NAV2: variants seen among roughly 807,000 people sequenced by gnomAD.
NAV2 encodes the protein neuron navigator 2.
Under a neutral mutation model 223.2 loss-of-function variants are expected in NAV2, and 54 were observed. The observed-to-expected ratio is 0.24, with a 90% confidence interval of 0.19 to 0.30. The LOEUF is 0.30. NAV2 is among the 10% of genes least tolerant of loss of function. The pLI is 1.00. For missense variants in NAV2, 2,806 were observed against 3,147.5 expected (o/e 0.89, Z 2.60); for synonymous variants, 1,279 against 1,239.3 (o/e 1.03, Z -0.67).
intron 6 of NAV2, among the ~76,000 whole-genome samples, chr11:19,930,248 A>G (rs1437129237): frequency 6.6e-6 from 1 of 152,194 alleles, no homozygotes; most frequent in Non-Finnish European, 1.5e-5. Context: ...CAAGCCAAGT[A>G]TCTGTTTTCT....
intron 1 of NAV2, among the ~76,000 whole-genome samples, chr11:19,808,159 G>T (rs2058673206): frequency 6.6e-6 from 1 of 152,200 alleles, no homozygotes; most frequent in African/African-American, 2.4e-5. Context: ...TTAGTGTGTG[G>T]CACATAGGAA....
At chr11:19,356,574 G>A (rs1484017114) in intron 1 of NAV2, among the ~76,000 whole-genome samples, 1 of 152,144 alleles carries the variant, frequency 6.6e-6, no homozygotes, top group African/African-American at 2.4e-5. Flanking sequence ...TTCTCTGGAG[G>A]AGGGGGAACG....
At chr11:19,889,193 C>G (rs1311430986) in intron 5 of NAV2, among the ~76,000 whole-genome samples, 1 of 152,202 alleles carries the variant, frequency 6.6e-6, no homozygotes, top group African/African-American at 2.4e-5. Context: ...TTGGTTCCCT[C>G]CTGGGTGAGT....
rs562590900 is a variant in NAV2 at position 19,760,098 on chromosome 11, T to G, written c.267+46136T>G. 5 of 152,712 alleles carry G rather than the reference T, an allele frequency of 3.3e-5. No homozygotes were observed. In the East Asian group the frequency reaches 9.7e-4, roughly 29 times the overall value. The allele number at this position is 152,712 out of a possible 1,614,324, so 9.5% of individuals were successfully genotyped here. A position where few individuals can be genotyped will look rare whatever the true frequency, so the allele number is the denominator to read the frequency against. Reference sequence around the variant, plus strand: ...CTATGTATTTGAAAAAGAAAAATACTCCCAGTTAAGTGAGAGTTCCAGCAG... The same window carrying G: ...CTATGTATTTGAAAAAGAAAAATACGCCCAGTTAAGTGAGAGTTCCAGCAG... On this transcript the variant is annotated intron_variant, in intron 1 of 37. Transcript: ENST00000349880.
chr11:19,902,894 G>A (rs1322782719), intron 6 of NAV2, among the ~76,000 whole-genome samples: 1 of 152,188 alleles, frequency 6.6e-6, no homozygotes, highest in Non-Finnish European at 1.5e-5. Flanking sequence ...ACATTTCTGT[G>A]AGCATATGTA....
intron 1 of NAV2, among the ~76,000 whole-genome samples, chr11:19,377,752 G>A (rs1350349303): frequency 2.6e-5 from 4 of 152,188 alleles, no homozygotes; most frequent in Admixed American, 1.3e-4. Context: ...GTTAGAATAT[G>A]TATTGGGAAG....
chr11:19,390,855 G>A (rs914673554), intron 1 of NAV2, among the ~76,000 whole-genome samples: 1 of 152,134 alleles, frequency 6.6e-6, no homozygotes, highest in Non-Finnish European at 1.5e-5. Flanking sequence ...GTTAGGAAAG[G>A]CTGCCATTTA....
chr11:19,578,798 A>G (rs181912870), intron 1 of NAV2, among the ~76,000 whole-genome samples: 9 of 152,216 alleles, frequency 5.9e-5, no homozygotes, highest in Admixed American at 4.6e-4. Flanking sequence ...AGCAGTTGTC[A>G]TGCAGAGCGG....
At chr11:19,645,242 C>A (rs967982386) in intron 1 of NAV2, among the ~76,000 whole-genome samples, 1 of 152,148 alleles carries the variant, frequency 6.6e-6, no homozygotes, top group Non-Finnish European at 1.5e-5. Context: ...TCGAGGCCAG[C>A]AAAGGCCAGT....
chr11:20,015,354 G>A (rs748516059), intron 11 of NAV2, among the ~76,000 whole-genome samples: 4 of 152,106 alleles, frequency 2.6e-5, no homozygotes, highest in Non-Finnish European at 5.9e-5. Context: ...GTTTTATGGG[G>A]TAATCTAGGT....
chr11:20,118,079 G>T, intron 37 of NAV2, 54 bp from the exon 38 acceptor site: 11 of 1,605,966 alleles, frequency 6.8e-6, no homozygotes, highest in Non-Finnish European at 9.3e-6. Context: ...AGGAGTCCAG[G>T]GTGGGCGGCC....
chr11:19,959,800 C>T (rs962354338), intron 10 of NAV2, among the ~76,000 whole-genome samples: 2 of 152,242 alleles, frequency 1.3e-5, no homozygotes, highest in Non-Finnish European at 1.5e-5. Flanking sequence ...ACCCTCCAGC[C>T]GACAGCTACC....
chr11:19,573,931 G>A (rs896541794), intron 1 of NAV2, among the ~76,000 whole-genome samples: 1 of 152,212 alleles, frequency 6.6e-6, no homozygotes, highest in Non-Finnish European at 1.5e-5. Context: ...GGCCTGCTGA[G>A]CAGCTGGTGG....
intron 11 of NAV2, among the ~76,000 whole-genome samples, chr11:20,022,230 T>C (rs1020198561): frequency 1.3e-5 from 2 of 152,252 alleles, no homozygotes; most frequent in Admixed American, 1.3e-4. Context: ...TTGTTCATTG[T>C]TCATAGCATC....
intron 1 of NAV2, among the ~76,000 whole-genome samples, chr11:19,744,432 A>G (rs1425229): frequency 0.42 from 64,505 of 152,100 alleles, 14,776 homozygotes; most frequent in East Asian, 0.61. Context: ...TGTGGGGCCC[A>G]TTTAGAGAGA....
Position 20,055,801 on chromosome 11 carries a change from T to C in NAV2, c.4675T>C (p.Ser1559Pro), listed in dbSNP as rs1238110866. ...SPTTVTQMSL[S>P]NPTMLRTHSL... ...CACCACTGTCACCCAGATGAGCTTG[T>C]CCAACCCGACCATGCTGAGGACTCA... Residue 1559 changes from serine (S) to proline (P), a missense_variant, in exon 19 of 38, where the codon TCC becomes CCC. By Grantham distance (74) the Ser-to-Pro change is moderately conservative. This residue lies in a region of NAV2 where 742 missense variants were observed against 777.9 expected (regional missense o/e 0.95). Transcript: ENST00000349880. 2 of 1,614,174 alleles carry C rather than the reference T, an allele frequency of 1.2e-6. No homozygotes were observed. Among genetic ancestry groups the C allele is most frequent in the East Asian group, 4.5e-5 (2 of 44,868 alleles).
intron 3 of NAV2, among the ~76,000 whole-genome samples, chr11:19,852,239 T>A (rs1291722402): frequency 6.6e-6 from 1 of 152,262 alleles, no homozygotes; most frequent in African/African-American, 2.4e-5. Context: ...CTGGGATTCA[T>A]GCAAAATAAC....
intron 1 of NAV2, among the ~76,000 whole-genome samples, chr11:19,776,900 A>T (rs1317322122): frequency 6.6e-6 from 1 of 151,576 alleles, no homozygotes; most frequent in Non-Finnish European, 1.5e-5. Context: ...CCTCACCCCT[A>T]CCCATCTTCT....
chr11:19,706,849 A>G (rs2049678511), intron 1 of NAV2, among the ~76,000 whole-genome samples: 1 of 152,238 alleles, frequency 6.6e-6, no homozygotes, highest in Admixed American at 6.5e-5. Flanking sequence ...CAGACATCAT[A>G]GAGTACATTT....
Sources: allele counts gnomAD v4.1 joint callset (sites outside exome capture counted in the v4.1 genomes callset), GRCh38; gene constraint gnomAD v4.1.1; regional missense constraint gnomAD v4.1.1; transcripts MANE v1.5; gene names NCBI Gene and HGNC (gene_info 2026-07-23, HGNC 2026-07-21).